Variants in POLRMT observed in about 807,000 individuals in gnomAD.
POLRMT encodes the protein RNA polymerase mitochondrial, also known as DNA-directed RNA polymerase, mitochondrial.
A neutral mutation model predicts 132.2 loss-of-function variants in POLRMT; 114 were observed. The observed-to-expected ratio is 0.86, with a 90% CI of 0.74 to 1.01. The LOEUF (loss-of-function observed/expected upper bound fraction) is 1.01. POLRMT is among the 50% of genes least tolerant of loss of function. The probability of loss-of-function intolerance (pLI) is 0.00; values close to 1 mark genes in which losing one functional copy is unlikely to be tolerated. For synonymous variants in POLRMT, 1,020 were observed against 773.4 expected (o/e 1.32, Z -5.29); for missense variants, 2,003 against 1,729.1 (o/e 1.16, Z -2.81).
At position 622,001 on chromosome 19, in the gene POLRMT, C is replaced by G. The variant is rs570976325; in HGVS notation, c.1851+148G>C. 3 of 1,130,150 alleles carry G rather than the reference C, an allele frequency of 2.7e-6. No homozygotes were observed. The Admixed American group carries it at 7.7e-5, about 29-fold the overall frequency. The allele number at this position is 1,130,150 out of a possible 1,614,324, so 70.0% of individuals were successfully genotyped here. A position where few individuals can be genotyped will look rare whatever the true frequency, so the allele number is the denominator to read the frequency against. On this transcript the variant is annotated intron_variant, in intron 9 of 20. Coordinates refer to ENST00000588649, the MANE Select transcript of POLRMT (RefSeq NM_005035.4). ...GCCACCTCCAGAAACGGCCGGACAC[C>G]TGCATGGACACCCATGGTGTGTCCC...
chr19:617,437 G>C lies in POLRMT; in HGVS notation c.3625C>G (p.Gln1209Glu). 1.2e-6 allele frequency: 2 copies of C among 1,612,120 alleles called. No individual in the cohort carries two copies. The highest frequency in any genetic ancestry group is 1.7e-6 in the Non-Finnish European group (2 of 1,179,802). Reference sequence around the variant, plus strand: ...CGCCTACCTGGCTTGGGCACCGCCTGCAGTGTCTCCTTCAGCTGGCTGGCC... The same window carrying C: ...CGCCTACCTGGCTTGGGCACCGCCTCCAGTGTCTCCTTCAGCTGGCTGGCC... ...LEASQLKETL[Q>E]AVPKPGAFDL... Residue 1209 changes from glutamine to glutamate, a missense_variant, in exon 20 of 21, where the codon CAG (glutamine) becomes GAG (glutamate). Transcript: ENST00000588649.
chr19:631,799 T>C (rs978336817), intron 2 of POLRMT, among the ~76,000 whole-genome samples: 1 of 152,168 alleles, frequency 6.6e-6, no homozygotes, highest in Non-Finnish European at 1.5e-5. Flanking sequence ...TAGAGTGCAA[T>C]GGCATGATCT....
Position 622,196 on chromosome 19 carries a change from G to A in POLRMT, c.1804C>T (p.Leu602Phe). The change falls in exon 9 of 21, where the codon CTT (leucine) becomes TTT (phenylalanine). Residue 602 changes from leucine to phenylalanine, a missense_variant. By Grantham distance (22) the Leu-to-Phe change is conservative (BLOSUM62 0). Transcript: ENST00000588649. ...SLDKPHRSSRLVPVLYHVYSF... is the reference protein window; with the variant it reads ...SLDKPHRSSRFVPVLYHVYSF... ...TACACGTGGTAGAGCACGGGGACAA[G>A]CCGAGAGGAACGATGCGGCTTGTCC... 2 of 1,584,242 alleles carry A rather than the reference G, an allele frequency of 1.3e-6. No individual in the cohort carries two copies. The highest frequency in any genetic ancestry group is 1.1e-5 in the South Asian group (1 of 87,564).
Position 632,940 on chromosome 19 carries a change from T to G in POLRMT, c.89-2A>C. The stretch of plus-strand genomic sequence containing the variant: ...GGCCGCAGACGCCACCGGCGGTCCC[T>G]GCGGGAAAGACGAGAGCGGCTGAGC... On this transcript the variant is annotated splice_acceptor_variant, in intron 1 of 20. Transcript: ENST00000588649. LOFTEE classifies it high-confidence loss of function. The G allele has an allele frequency of 4.7e-6, 7 of 1,499,982 alleles. No homozygotes were observed. The highest frequency in any genetic ancestry group is 6.2e-6 in the Non-Finnish European group (7 of 1,128,994). 92.9% of individuals were successfully genotyped at this position (1,499,982 alleles called of 1,614,324 possible).
chr19:623,793 C>CT (rs1371761523), intron 5 of POLRMT, among the ~76,000 whole-genome samples, 190 bp from the exon 6 acceptor site: 1 of 152,210 alleles, frequency 6.6e-6, no homozygotes, highest in Admixed American at 6.5e-5. Context: ...CTTGACCCTC[C>CT]TGGCCTCGAC....
chr19:618,489 T>C lies in POLRMT; in HGVS notation c.3421A>G (p.Arg1141Gly). The C allele has an allele frequency of 6.2e-7, 1 of 1,601,632 alleles. No homozygotes were observed. The highest frequency in any genetic ancestry group is 8.5e-7 in the Non-Finnish European group (1 of 1,170,622). Residue 1141 changes from arginine (R) to glycine (G), a missense_variant and splice_region_variant, in exon 17 of 21, where the codon AGG (arginine) becomes GGG (glycine). Coordinates refer to ENST00000588649, the MANE Select transcript of POLRMT (RefSeq NM_005035.4). ...HMMLTALHCY[R>G]KGLTFVSVHD... Reference sequence around the variant, plus strand: ...CCCACGCCGTCCGGAGACGCCCACCTGTAGCAGTGCAGGGCGGTGAGCATC... The same window carrying C: ...CCCACGCCGTCCGGAGACGCCCACCCGTAGCAGTGCAGGGCGGTGAGCATC...
chr19:623,065 C>G, intron 6 of POLRMT, 80 bp from the exon 7 acceptor site: 22 of 1,096,768 alleles, frequency 2.0e-5, no homozygotes, highest in Non-Finnish European at 2.8e-5. Context: ...CACCGCAGCT[C>G]CCTGCAGAGA....
chr19:620,534 T>G (rs564932646), intron 10 of POLRMT, 47 bp from the exon 11 acceptor site: 1 of 1,479,030 alleles, frequency 6.8e-7, no homozygotes, highest in Non-Finnish European at 9.0e-7. Context: ...GCCCGATCCC[T>G]GAGCCCGCTG....
chr19:631,136 G>A (rs1009503286), intron 2 of POLRMT, among the ~76,000 whole-genome samples: 2 of 151,314 alleles, frequency 1.3e-5, no homozygotes, highest in African/African-American at 2.4e-5. Flanking sequence ...TCCAGCCTGG[G>A]CAACAGAACA....
chr19:618,640 C>T (rs113760261), intron 16 of POLRMT, 54 bp from the exon 17 acceptor site: 14 of 1,599,958 alleles, frequency 8.8e-6, no homozygotes, highest in East Asian at 2.3e-5. Flanking sequence ...CCTAACTGGC[C>T]GCTGTCTCCA....
rs1984417154 is a variant in POLRMT, at chr19:620,322, G to A, written c.2763+43C>T. 4 of 1,521,172 alleles carry A rather than the reference G, an allele frequency of 2.6e-6. No individual in the cohort carries two copies. In the East Asian group the frequency reaches 7.3e-5, roughly 28 times the overall value. The allele number at this position is 1,521,172 out of a possible 1,614,324, so 94.2% of individuals were successfully genotyped here. On this transcript the variant is annotated intron_variant, in intron 11 of 20. Coordinates refer to ENST00000588649, the MANE Select transcript of POLRMT (RefSeq NM_005035.4). ...ACCCTCAAGTCGAGCCCCAGGCCCA[G>A]TGCACACTGCACGGCCTCGGGGGCC... is the stretch of plus-strand genomic sequence containing the variant.
chr19:622,247 G>A lies in POLRMT; in HGVS notation c.1753C>T (p.Gln585Ter), dbSNP rs1414360403. 1 of 1,561,558 alleles carries A rather than the reference G, an allele frequency of 6.4e-7. No individual in the cohort carries two copies. Among genetic ancestry groups the A allele is most frequent in the Non-Finnish European group, 8.7e-7 (1 of 1,154,868 alleles). ...AGGCTGCATGGCATCTGCGTAGCCT[G>A]CACCAGCATCTCCGCCAGCAGCTTG... ...LGKLLAEMLV[Q>*]ATQMPCSLDK... The change falls in exon 9 of 21, where the codon CAG becomes TAG. Residue 585 changes from glutamine to a stop codon, truncating the protein, a stop_gained. Coordinates refer to ENST00000588649, the MANE Select transcript of POLRMT (RefSeq NM_005035.4). LOFTEE classifies it high-confidence loss of function.
chr19:629,564 G>T lies in POLRMT; in HGVS notation c.798C>A (p.Ala266=). The change falls in exon 3 of 21, where the codon GCC becomes GCA. Residue 266 remains alanine, a synonymous_variant. Transcript: ENST00000588649. ...CCTGCCGCGCCCAGCCAAGCATCAC[G>T]GCGTTGTACATGTCCAGCGTGAGCA... ...RKLLTLDMYN[A]VMLGWARQGA... 1.3e-6 allele frequency: 2 copies of T among 1,547,144 alleles called. No homozygotes were observed. The highest frequency in any genetic ancestry group is 1.7e-6 in the Non-Finnish European group (2 of 1,146,218).
In POLRMT at chr19:622,830, C is replaced by G. The variant is rs138594532; in HGVS notation, c.1446G>C (p.Met482Ile). 1.6e-4 allele frequency: 250 copies of G among 1,594,870 alleles called. 1 individual carries two copies. The highest frequency in any genetic ancestry group is 2.8e-4 in the Admixed American group (16 of 57,496). Reference protein sequence around the residue: ...CLLDEREVVRMLLQVLQALPA... With the variant: ...CLLDEREVVRILLQVLQALPA... ...GCGGAGGAAGACGCACCTGCAGGAG[C>G]ATCCGCACCACCTCGCGCTCGTCCA... Residue 482 changes from methionine (M) to isoleucine (I), a missense_variant, in exon 7 of 21, where the codon ATG (methionine) becomes ATC (isoleucine). Met to Ile is a conservative substitution (Grantham distance 10). Coordinates refer to ENST00000588649, the MANE Select transcript of POLRMT (RefSeq NM_005035.4).
In POLRMT at chr19:622,829, G is replaced by C. The variant is rs760945130; in HGVS notation, c.1447C>G (p.Leu483Val). Residue 483 changes from leucine to valine, a missense_variant, in exon 7 of 21, where the codon CTC (leucine) becomes GTC (valine). Physicochemically the swap from Leu to Val is conservative, Grantham distance 32 (BLOSUM62 1). Transcript: ENST00000588649. ...CGCGGAGGAAGACGCACCTGCAGGAGCATCCGCACCACCTCGCGCTCGTCC... is the reference window on the plus strand; with the variant it reads ...CGCGGAGGAAGACGCACCTGCAGGACCATCCGCACCACCTCGCGCTCGTCC... ...LLDEREVVRMLLQVLQALPAQ... is the reference protein window; with the variant it reads ...LLDEREVVRMVLQVLQALPAQ... The C allele has an allele frequency of 1.9e-5, 30 of 1,594,636 alleles. No homozygotes were observed. The highest frequency in any genetic ancestry group is 4.0e-5 in the African/African-American group (3 of 74,454).
chr19:621,318 A>G lies in POLRMT; in HGVS notation c.2380T>C (p.Phe794Leu). Reference sequence around the variant, plus strand: ...AAGTCCATGTTGTGCGGCAGCCAGAAGACGCGGTCCCGCAGGTGCTGCGCC... The same window carrying G: ...AAGTCCATGTTGTGCGGCAGCCAGAGGACGCGGTCCCGCAGGTGCTGCGCC... ...SLAQHLRDRVFWLPHNMDFRG... is the reference protein window; with the variant it reads ...SLAQHLRDRVLWLPHNMDFRG... Residue 794 changes from phenylalanine to leucine, a missense_variant, in exon 10 of 21, where the codon TTC (phenylalanine) becomes CTC (leucine). Phe to Leu is a conservative substitution (Grantham distance 22). Coordinates refer to ENST00000588649, the MANE Select transcript of POLRMT (RefSeq NM_005035.4). The G allele has an allele frequency of 6.3e-7, 1 of 1,596,854 alleles. No homozygotes were observed. Among genetic ancestry groups the G allele is most frequent in the Non-Finnish European group, 8.5e-7 (1 of 1,176,742 alleles).
At chr19:631,340 G>C (rs866271163) in intron 2 of POLRMT, among the ~76,000 whole-genome samples, 15 of 144,896 alleles carry the variant, frequency 1.0e-4, no homozygotes, top group Non-Finnish European at 1.4e-4. Flanking sequence ...AAAAAAAAAG[G>C]GGGGGGGGGA....
At chr19:633,185 C>T (rs1270372008) in intron 1 of POLRMT, 4 of 597,028 alleles carry the variant, frequency 6.7e-6, no homozygotes, top group African/African-American at 5.9e-5. Context: ...AGGTTAAGAG[C>T]CCTAAACACC....
At chr19:632,229 C>G (rs1414344345) in intron 2 of POLRMT, among the ~76,000 whole-genome samples, 1 of 150,084 alleles carries the variant, frequency 6.7e-6, no homozygotes, top group Non-Finnish European at 1.5e-5. Flanking sequence ...GCCACCGCAC[C>G]TGGCCAGGTT....
Sources: gnomAD v4.1 joint callset for allele counts (sites outside exome capture counted in the v4.1 genomes callset) on GRCh38, gnomAD v4.1.1 for gene constraint, MANE v1.5 for transcripts, NCBI Gene and HGNC (gene_info 2026-07-23, HGNC 2026-07-21) for gene names.